Variants in GALNT14 observed in about 807,000 individuals in gnomAD.
The protein encoded by GALNT14 is polypeptide N-acetylgalactosaminyltransferase 14.
A neutral mutation model predicts 77.5 loss-of-function variants in GALNT14; 60 were observed. The observed-to-expected ratio is 0.77, with a 90% CI of 0.63 to 0.96. GALNT14 has a LOEUF of 0.96. Among genes scored for constraint, GALNT14 ranks in the 40% least tolerant of loss-of-function variants. GALNT14 has a pLI of 0.00. For synonymous variants in GALNT14, 280 were observed against 281.7 expected, an observed-to-expected ratio of 0.99 and a Z score of 0.06; for missense variants, 710 against 731.0, an observed-to-expected ratio of 0.97 and a Z score of 0.33.
At chr2:30,898,032 T>TAAC in the GALNT14 span, among the ~76,000 whole-genome samples, 1 of 152,148 alleles carries the variant, frequency 6.6e-6, no homozygotes, top group South Asian at 2.1e-4. Flanking sequence ...GTTAAAATCC[T>TAAC]AACTCCCAAG....
intron 1 of GALNT14, among the ~76,000 whole-genome samples, chr2:31,058,085 C>A (rs536998517): frequency 1.3e-5 from 2 of 152,256 alleles, no homozygotes; most frequent in African/African-American, 4.8e-5. Context: ...TGGTGTTAGT[C>A]CCTGAGCATA....
intron 1 of GALNT14, among the ~76,000 whole-genome samples, chr2:31,119,646 T>C (rs191827954): frequency 1.7e-3 from 259 of 152,290 alleles, no homozygotes; most frequent in African/African-American, 5.8e-3. Flanking sequence ...ATATACATAA[T>C]ATAAAAATTA....
chr2:30,931,832 G>A (rs927760852), intron 10 of GALNT14, among the ~76,000 whole-genome samples: 1 of 152,094 alleles, frequency 6.6e-6, no homozygotes, highest in Non-Finnish European at 1.5e-5. Flanking sequence ...GGCCTCATGT[G>A]GGGCCTTCCG....
intron 1 of GALNT14, among the ~76,000 whole-genome samples, chr2:31,111,073 A>T (rs1043930250): frequency 4.6e-5 from 7 of 152,074 alleles, no homozygotes; most frequent in Admixed American, 3.9e-4. Flanking sequence ...AACAACAGGC[A>T]CTCTGGCCTC....
At chr2:31,087,477 AAGGAGAGGAGAAGAGAGGAG>A (rs796176636) in intron 1 of GALNT14, among the ~76,000 whole-genome samples, 1 of 104,742 alleles carries the variant, frequency 9.5e-6, no homozygotes, top group African/African-American at 4.2e-5. Context: ...GGAGACAGGA[AAGGAGAGGAGAAGAGAGGAG>A]AGGAGAGGAG....
At chr2:31,090,066 C>T (rs1227482072) in intron 1 of GALNT14, among the ~76,000 whole-genome samples, 2 of 152,196 alleles carry the variant, frequency 1.3e-5, no homozygotes, top group Non-Finnish European at 2.9e-5. Flanking sequence ...TGGGTGTCCA[C>T]TCCTCCATCC....
intron 1 of GALNT14, among the ~76,000 whole-genome samples, chr2:31,092,283 ATC>A (rs1282556895): frequency 7.2e-6 from 1 of 137,988 alleles, no homozygotes; most frequent in Non-Finnish European, 1.6e-5. Context: ...ATATATATAT[ATC>A]TCCTATTAGT....
At chr2:30,977,974 G>A (rs967001084) in intron 2 of GALNT14, among the ~76,000 whole-genome samples, 2 of 152,046 alleles carry the variant, frequency 1.3e-5, no homozygotes, top group African/African-American at 4.8e-5. Flanking sequence ...CTCCACAGCC[G>A]TTCTCTCTTC....
chr2:31,059,096 CAGATA>C (rs1332263820), intron 1 of GALNT14, among the ~76,000 whole-genome samples: 2 of 152,128 alleles, frequency 1.3e-5, no homozygotes, highest in Non-Finnish European at 2.9e-5. Flanking sequence ...AAAAAGCACA[CAGATA>C]AAAGAAACAT....
At chr2:31,059,221 C>T (rs575707179) in intron 1 of GALNT14, among the ~76,000 whole-genome samples, 1 of 152,310 alleles carries the variant, frequency 6.6e-6, no homozygotes, top group East Asian at 1.9e-4. Context: ...TCTTGTGGCT[C>T]TACCCTCCTT....
the GALNT14 span, among the ~76,000 whole-genome samples, chr2:30,904,842 C>A: frequency 6.6e-6 from 1 of 152,098 alleles, no homozygotes; most frequent in Non-Finnish European, 1.5e-5. Flanking sequence ...CAGTGGTTCT[C>A]CCAGCACGCA....
In GALNT14 at chr2:31,106,219, GTCT is replaced by G. The variant is rs1263277864; in HGVS notation, c.129+31736_129+31738del. 2.0e-5 allele frequency among the ~76,000 whole-genome samples: 3 copies of G among 152,132 alleles called. No individual in the cohort carries two copies. In the East Asian group the frequency reaches 5.8e-4, roughly 29 times the overall value. ...GTGCTCTTTCAACATTTAGATTTAA[GTCT>G]TCTTTTAGATCATGAAAGCCTTCCT... On this transcript the variant is annotated intron_variant, in intron 1 of 14. Transcript: ENST00000349752.
At chr2:31,032,219 G>C (rs534164261) in intron 1 of GALNT14, among the ~76,000 whole-genome samples, 2 of 152,202 alleles carry the variant, frequency 1.3e-5, no homozygotes, top group Non-Finnish European at 2.9e-5. Flanking sequence ...TTCTCCAGTG[G>C]TCCTTTGTGC....
the GALNT14 span, among the ~76,000 whole-genome samples, chr2:30,894,442 T>C: frequency 4.0e-5 from 6 of 151,702 alleles, no homozygotes; most frequent in African/African-American, 1.5e-4. Context: ...CTCAGTATTC[T>C]AGACCTTTTT....
chr2:31,024,273 C>T (rs1337307127), intron 1 of GALNT14, among the ~76,000 whole-genome samples: 2 of 152,128 alleles, frequency 1.3e-5, no homozygotes, highest in Non-Finnish European at 2.9e-5. Context: ...GAGATTATTC[C>T]CCACACAGCA....
chr2:30,929,036 T>C (rs2148244524), intron 11 of GALNT14, among the ~76,000 whole-genome samples: 1 of 152,304 alleles, frequency 6.6e-6, no homozygotes, highest in East Asian at 1.9e-4. Flanking sequence ...GAGCTTAGGC[T>C]TGGATGACCT....
intron 1 of GALNT14, among the ~76,000 whole-genome samples, chr2:31,001,335 G>GA (rs988705836): frequency 6.6e-5 from 10 of 152,092 alleles, no homozygotes; most frequent in Non-Finnish European, 1.0e-4. Context: ...GTGAAGCCAG[G>GA]AAAAAAATAC....
At chr2:30,912,516 G>T (rs541561374) in intron 13 of GALNT14, among the ~76,000 whole-genome samples, 174 bp from the exon 14 acceptor site, 1 of 152,306 alleles carries the variant, frequency 6.6e-6, no homozygotes, top group Admixed American at 6.5e-5. Flanking sequence ...CCAGAGACTC[G>T]GAGGTCATAT....
chr2:30,899,665 A>G, the GALNT14 span, among the ~76,000 whole-genome samples: 3 of 152,142 alleles, frequency 2.0e-5, no homozygotes, highest in African/African-American at 4.8e-5. Flanking sequence ...AAATGATGCA[A>G]TCTACTGCTG....
Sources: allele counts gnomAD v4.1 joint callset (sites outside exome capture counted in the v4.1 genomes callset), GRCh38; gene constraint gnomAD v4.1.1; transcripts MANE v1.5; gene names NCBI Gene and HGNC (gene_info 2026-07-23, HGNC 2026-07-21).